KCNH5: variants seen among roughly 807,000 people sequenced by gnomAD.
KCNH5 encodes voltage-gated delayed rectifier potassium channel KCNH5.
A neutral mutation model predicts 96.1 loss-of-function variants in KCNH5; 46 were observed. The ratio of observed to expected loss-of-function variants is 0.48; its 90% CI spans 0.38 to 0.61. KCNH5 has a LOEUF of 0.61. Ranked by LOEUF, KCNH5 falls within the 20% of genes least tolerant of loss-of-function variation. The pLI, the probability that KCNH5 is intolerant of heterozygous loss-of-function variation, is 0.00. For missense variants in KCNH5, 907 were observed against 1,225.8 expected (o/e 0.74, Z 3.88); for synonymous variants, 439 against 449.8 (o/e 0.98, Z 0.30).
intron 10 of KCNH5, among the ~76,000 whole-genome samples, chr14:62,763,255 C>A (rs537175166): frequency 2.0e-5 from 3 of 152,128 alleles, no homozygotes; most frequent in African/African-American, 7.2e-5. Flanking sequence ...AAAAATCATA[C>A]AATTACATGG....
chr14:62,997,899 C>CAAA (rs568941043), intron 4 of KCNH5, among the ~76,000 whole-genome samples: 4,957 of 60,582 alleles, frequency 0.082, 256 homozygotes, highest in African/African-American at 0.16. Flanking sequence ...GACTCCATCT[C>CAAA]AAAAAAAAAA....
intron 8 of KCNH5, among the ~76,000 whole-genome samples, chr14:62,835,866 C>T (rs1228636968): frequency 6.6e-6 from 1 of 151,224 alleles, no homozygotes; most frequent in Admixed American, 6.6e-5. Flanking sequence ...TTTATGATTG[C>T]CCTCAAAAAA....
chr14:62,951,433 G>C (rs1163332775), intron 6 of KCNH5, among the ~76,000 whole-genome samples: 2 of 152,148 alleles, frequency 1.3e-5, no homozygotes, highest in African/African-American at 2.4e-5. Flanking sequence ...AATAGGCAGG[G>C]AGGGAAAATG....
chr14:62,985,873 T>A (rs901518500), intron 5 of KCNH5, among the ~76,000 whole-genome samples: 3 of 152,270 alleles, frequency 2.0e-5, no homozygotes, highest in Middle Eastern at 3.4e-3. Flanking sequence ...CAAACTGAAC[T>A]CATGATCATT....
intron 10 of KCNH5, among the ~76,000 whole-genome samples, chr14:62,733,890 C>A (rs1476121982): frequency 6.6e-6 from 1 of 152,160 alleles, no homozygotes; most frequent in Non-Finnish European, 1.5e-5. Context: ...GCTCTTTTAA[C>A]ATTACGTTCT....
intron 6 of KCNH5, among the ~76,000 whole-genome samples, chr14:62,956,195 A>G (rs1566721168): frequency 6.6e-6 from 1 of 152,170 alleles, no homozygotes; most frequent in Non-Finnish European, 1.5e-5. Context: ...TAGTGCTCCA[A>G]TCAAACCAAA....
chr14:63,037,077 A>G (rs1016819875), intron 1 of KCNH5, among the ~76,000 whole-genome samples: 1 of 152,204 alleles, frequency 6.6e-6, no homozygotes, highest in Non-Finnish European at 1.5e-5. Context: ...CAACTAAATG[A>G]TAATAATAAC....
chr14:62,919,123 C>G (rs1889332555), intron 7 of KCNH5, among the ~76,000 whole-genome samples: 1 of 151,980 alleles, frequency 6.6e-6, no homozygotes, highest in Non-Finnish European at 1.5e-5. Flanking sequence ...TAGTTTCATA[C>G]ATAAAAATGC....
intron 10 of KCNH5, among the ~76,000 whole-genome samples, chr14:62,750,154 G>A (rs1885466246): frequency 6.6e-6 from 1 of 152,210 alleles, no homozygotes; most frequent in Non-Finnish European, 1.5e-5. Flanking sequence ...CTTACTAGAG[G>A]AGGAGGTGAA....
intron 8 of KCNH5, among the ~76,000 whole-genome samples, chr14:62,837,586 A>G (rs1325336546): frequency 6.6e-6 from 1 of 152,210 alleles, no homozygotes; most frequent in Non-Finnish European, 1.5e-5. Context: ...GAAAACTTAA[A>G]TGATGATGAA....
intron 7 of KCNH5, among the ~76,000 whole-genome samples, chr14:62,943,404 A>G (rs1391283499): frequency 6.6e-6 from 1 of 152,182 alleles, no homozygotes; most frequent in Non-Finnish European, 1.5e-5. Context: ...TGCCTTCTGA[A>G]TAGCAGCAAA....
At chr14:62,894,492 C>T (rs1337779298) in intron 7 of KCNH5, among the ~76,000 whole-genome samples, 1 of 152,154 alleles carries the variant, frequency 6.6e-6, no homozygotes, top group Admixed American at 6.5e-5. Context: ...ATGTAGATTC[C>T]CTCCATCTCA....
At chr14:62,833,095 G>A (rs74857381) in intron 8 of KCNH5, among the ~76,000 whole-genome samples, 56 of 151,278 alleles carry the variant, frequency 3.7e-4, no homozygotes, top group African/African-American at 1.2e-3. Context: ...TAATTGTTTC[G>A]TTGGTCCTAC....
chr14:62,981,249 A>T lies in KCNH5; in HGVS notation c.565T>A (p.Ser189Thr), dbSNP rs1363959255. 1 of 1,613,924 alleles carries T rather than the reference A, an allele frequency of 6.2e-7. No homozygotes were observed. Among genetic ancestry groups the T allele is most frequent in the African/African-American group, 1.3e-5 (1 of 74,942 alleles). Reference sequence around the variant, plus strand: ...TGTTTATACTGAGGAAGGATATCTGATCCCAGCTGAAGAACCTAAAAGAGA... The same window carrying T: ...TGTTTATACTGAGGAAGGATATCTGTTCCCAGCTGAAGAACCTAAAAGAGA... Reference protein sequence around the residue: ...SRLAEVLQLGSDILPQYKQEA... With the variant: ...SRLAEVLQLGTDILPQYKQEA... The change falls in exon 6 of 11, where the codon TCA becomes ACA. Residue 189 changes from serine to threonine, a missense_variant. Physicochemically the swap from Ser to Thr is moderately conservative, Grantham distance 58. Coordinates refer to ENST00000322893, the MANE Select transcript of KCNH5 (RefSeq NM_139318.5).
rs144103292 is a variant in KCNH5, at chr14:62,790,486, T to C, written c.1823-10562A>G. Reference sequence around the variant, plus strand: ...ATTGCTTTGACTATGTATATTGCTTTGGCTAGTATGTACATTTTAACAATA... The same window carrying C: ...ATTGCTTTGACTATGTATATTGCTTCGGCTAGTATGTACATTTTAACAATA... On this transcript the variant is annotated intron_variant, in intron 9 of 10. Transcript: ENST00000322893. 4.6e-5 allele frequency among the ~76,000 whole-genome samples: 7 copies of C among 152,000 alleles called. No homozygotes were observed. In the East Asian group the frequency reaches 1.4e-3, roughly 29 times the overall value.
chr14:62,754,528 A>T (rs1284626651), intron 10 of KCNH5, among the ~76,000 whole-genome samples: 2 of 152,116 alleles, frequency 1.3e-5, no homozygotes, highest in Non-Finnish European at 2.9e-5. Flanking sequence ...TATAAAGCAC[A>T]CACAGACTAA....
intron 10 of KCNH5, among the ~76,000 whole-genome samples, chr14:62,717,844 A>G (rs7158209): frequency 0.028 from 4,324 of 152,322 alleles, 208 homozygotes; most frequent in African/African-American, 0.098. Flanking sequence ...TATCAAAGTG[A>G]AAAGGCAACT....
intron 10 of KCNH5, among the ~76,000 whole-genome samples, chr14:62,742,288 T>C (rs1885287078): frequency 6.6e-6 from 1 of 152,208 alleles, no homozygotes. Context: ...AATTAAATTT[T>C]AATAGGTAAA....
chr14:63,039,268 C>T (rs1404726358), intron 1 of KCNH5, among the ~76,000 whole-genome samples: 3 of 151,916 alleles, frequency 2.0e-5, no homozygotes, highest in Admixed American at 6.6e-5. Flanking sequence ...CAGTCTACTC[C>T]CAATCCTGTC....
Sources: allele counts gnomAD v4.1 joint callset (sites outside exome capture counted in the v4.1 genomes callset), GRCh38; gene constraint gnomAD v4.1.1; transcripts MANE v1.5; gene names NCBI Gene and HGNC (gene_info 2026-07-23, HGNC 2026-07-21).